GGH: variants seen among roughly 807,000 people sequenced by gnomAD.
GGH encodes the protein gamma-Glu-X carboxypeptidase.
GGH carries 18 observed loss-of-function variants against 39.2 expected under a neutral mutation model. The observed-to-expected ratio is 0.46, with a 90% CI of 0.32 to 0.68. The LOEUF (loss-of-function observed/expected upper bound fraction) is 0.68, where lower values mean the gene tolerates loss of function less well. GGH is among the 30% of genes least tolerant of loss of function. The pLI is 0.04. For missense variants in GGH, 367 were observed against 384.1 expected, an observed-to-expected ratio of 0.96 and a Z score of 0.37; for synonymous variants, 147 against 138.8, an observed-to-expected ratio of 1.06 and a Z score of -0.42.
At chr8:63,024,342 C>T (rs1002772991) in intron 5 of GGH, 156 bp from the exon 6 acceptor site, 6 of 535,050 alleles carry the variant, frequency 1.1e-5, no homozygotes, top group African/African-American at 1.9e-5. Flanking sequence ...GTATTCCAAT[C>T]AAGTCACAAA....
chr8:63,015,835 A>AGTG (rs150643739), intron 8 of GGH, among the ~76,000 whole-genome samples: 1 of 152,084 alleles, frequency 6.6e-6, no homozygotes, highest in African/African-American at 2.4e-5. Context: ...TACCTATCAA[A>AGTG]TACACAAGAC....
chr8:63,019,155 T>C (rs1023076120), intron 7 of GGH, among the ~76,000 whole-genome samples: 2 of 152,230 alleles, frequency 1.3e-5, no homozygotes, highest in African/African-American at 4.8e-5. Flanking sequence ...TACAAATGGA[T>C]AACTTGTTTC....
intron 5 of GGH, 71 bp downstream of exon 5, chr8:63,026,086 TA>T: frequency 8.2e-7 from 1 of 1,222,232 alleles, no homozygotes; most frequent in Middle Eastern, 2.0e-4. Context: ...TAAGCACTTT[TA>T]CTTTCATATT....
intron 3 of GGH, chr8:63,028,063 G>A (rs1002055780): frequency 1.3e-5 from 2 of 152,102 alleles, no homozygotes; most frequent in African/African-American, 4.8e-5. Context: ...ATACGAGCTT[G>A]AGATATGTGA....
At chr8:63,036,002 G>C (rs1160337932) in intron 1 of GGH, among the ~76,000 whole-genome samples, 1 of 152,142 alleles carries the variant, frequency 6.6e-6, no homozygotes, top group East Asian at 1.9e-4. Flanking sequence ...AGCCCCCAAA[G>C]AAGGCTTACA....
At chr8:63,019,396 C>T (rs1446207325) in intron 7 of GGH, among the ~76,000 whole-genome samples, 1 of 152,178 alleles carries the variant, frequency 6.6e-6, no homozygotes, top group African/African-American at 2.4e-5. Context: ...GCACACAGAT[C>T]AGCTGCAGAC....
At chr8:63,032,353 C>T (rs756865101) in intron 2 of GGH, among the ~76,000 whole-genome samples, 1 of 152,128 alleles carries the variant, frequency 6.6e-6, no homozygotes, top group African/African-American at 2.4e-5. Flanking sequence ...TGTTTTAAAA[C>T]GCTGTGTGAA....
At chr8:63,027,415 G>A in intron 3 of GGH, 150 bp from the exon 4 acceptor site, 2 of 518,924 alleles carry the variant, frequency 3.9e-6, no homozygotes, top group Non-Finnish European at 6.7e-6. Flanking sequence ...AAAGAAAAAA[G>A]AAAATATAAA....
chr8:63,029,500 T>G (rs923056437), intron 3 of GGH, among the ~76,000 whole-genome samples: 1 of 152,134 alleles, frequency 6.6e-6, no homozygotes, highest in Non-Finnish European at 1.5e-5. Flanking sequence ...TGAGTCTAAG[T>G]CTTCATGCAA....
chr8:63,017,439 G>T, intron 8 of GGH, 54 bp downstream of exon 8: 3 of 1,264,948 alleles, frequency 2.4e-6, no homozygotes, highest in Non-Finnish European at 2.2e-6. Context: ...TCAGATAAGG[G>T]CAATTTTCTT....
Position 63,020,120 on chromosome 8 carries a change from A to T in GGH, c.698-2490T>A, listed in dbSNP as rs1214699170. On this transcript the variant is annotated intron_variant, in intron 7 of 8. Coordinates refer to ENST00000260118, the MANE Select transcript of GGH (RefSeq NM_003878.3). ...TCACTGACATTCAGTAACGAGTGAG[A>T]TTTACTCTTCTTTAGTAAACTGCAT... Among the ~76,000 whole-genome samples, 3 of 152,146 alleles carry T rather than the reference A, an allele frequency of 2.0e-5. No homozygotes were observed. The East Asian group carries it at 5.8e-4, about 29-fold the overall frequency.
chr8:63,035,988 A>G (rs1374432612), intron 1 of GGH, among the ~76,000 whole-genome samples: 1 of 152,138 alleles, frequency 6.6e-6, no homozygotes, highest in Admixed American at 6.5e-5. Context: ...AGGGAGGCCA[A>G]ATAAGCCCCC....
At chr8:63,033,482 G>A (rs957793208) in intron 2 of GGH, among the ~76,000 whole-genome samples, 3 of 152,096 alleles carry the variant, frequency 2.0e-5, no homozygotes, top group African/African-American at 7.2e-5. Flanking sequence ...TAGACTGTGT[G>A]TTTCTAACAA....
At chr8:63,029,669 G>T (rs1416733961) in intron 3 of GGH, among the ~76,000 whole-genome samples, 1 of 151,862 alleles carries the variant, frequency 6.6e-6, no homozygotes, top group Non-Finnish European at 1.5e-5. Flanking sequence ...TTCCTCACAG[G>T]CCCCATAGAG....
chr8:63,038,657 T>C lies in GGH; in HGVS notation c.109+3A>G. The C allele has an allele frequency of 6.8e-7, 1 of 1,477,156 alleles. No homozygotes were observed. Among genetic ancestry groups the C allele is most frequent in the Non-Finnish European group, 9.1e-7 (1 of 1,093,688 alleles). 91.5% of individuals were successfully genotyped at this position (1,477,156 alleles called of 1,614,324 possible). On this transcript the variant is annotated splice_donor_region_variant and intron_variant, in intron 1 of 8. Coordinates refer to ENST00000260118, the MANE Select transcript of GGH (RefSeq NM_003878.3). ...CTGCTGCGGCCCCGCACAGCCTCCT[T>C]ACCGATGATGGGCTTCTTGGCGGTG...
intron 3 of GGH, among the ~76,000 whole-genome samples, chr8:63,027,989 C>A (rs1408781267): frequency 2.0e-5 from 3 of 151,490 alleles, no homozygotes; most frequent in Admixed American, 6.6e-5. Flanking sequence ...TTGAAAGAAC[C>A]AAGGATATTC....
chr8:63,032,476 T>A (rs965457598), intron 2 of GGH, among the ~76,000 whole-genome samples: 4 of 152,166 alleles, frequency 2.6e-5, no homozygotes, highest in African/African-American at 9.7e-5. Context: ...TATGACAACC[T>A]GAGAGCACCA....
At chr8:63,038,080 T>C (rs920262765) in intron 1 of GGH, among the ~76,000 whole-genome samples, 1 of 152,218 alleles carries the variant, frequency 6.6e-6, no homozygotes, top group African/African-American at 2.4e-5. Flanking sequence ...AGACTGATTT[T>C]ACTACCTCTT....
intron 5 of GGH, among the ~76,000 whole-genome samples, chr8:63,025,766 A>G (rs1804673143): frequency 6.6e-6 from 1 of 152,036 alleles, no homozygotes. Context: ...AATATTCACA[A>G]AAAAAACCCC....
Sources: gnomAD v4.1 joint callset for allele counts (sites outside exome capture counted in the v4.1 genomes callset) on GRCh38, gnomAD v4.1.1 for gene constraint, MANE v1.5 for transcripts, NCBI Gene and HGNC (gene_info 2026-07-23, HGNC 2026-07-21) for gene names.